ADGRB3: variants seen among roughly 807,000 people sequenced by gnomAD.
The protein encoded by ADGRB3 is adhesion G protein-coupled receptor B3.
In ADGRB3, 37 loss-of-function variants were observed where a neutral mutation model predicts 193.4. That is an observed-to-expected ratio of 0.19 (90% CI 0.15 to 0.25). The LOEUF is 0.25. ADGRB3 is among the 10% of genes least tolerant of loss of function. The pLI is 1.00. For missense variants in ADGRB3, 1,637 were observed against 1,852.9 expected (o/e 0.88, Z 2.14); for synonymous variants, 690 against 644.2 (o/e 1.07, Z -1.08).
intron 17 of ADGRB3, among the ~76,000 whole-genome samples, chr6:69,123,024 A>G (rs201764913): frequency 0.024 from 2,496 of 105,234 alleles, 88 homozygotes; most frequent in East Asian, 0.23. Context: ...GTGTGTGTGT[A>G]TGTGTGTTTG....
intron 3 of ADGRB3, among the ~76,000 whole-genome samples, chr6:68,870,797 G>A (rs756426779): frequency 1.3e-5 from 2 of 152,116 alleles, no homozygotes; most frequent in Non-Finnish European, 2.9e-5. Flanking sequence ...GGTTTCATGA[G>A]GCTAGACCAG....
intron 3 of ADGRB3, among the ~76,000 whole-genome samples, chr6:68,927,851 T>C (rs1345629940): frequency 2.6e-5 from 4 of 152,136 alleles, no homozygotes; most frequent in Non-Finnish European, 4.4e-5. Context: ...AAAATAATTT[T>C]TCAGATACAT....
intron 8 of ADGRB3, among the ~76,000 whole-genome samples, chr6:68,970,800 A>G (rs1304559049): frequency 6.6e-6 from 1 of 152,170 alleles, no homozygotes. Context: ...TTGTTCCCCT[A>G]ATTTAACCAG....
intron 23 of ADGRB3, among the ~76,000 whole-genome samples, chr6:69,331,203 T>A (rs997433054): frequency 6.6e-6 from 1 of 152,176 alleles, no homozygotes; most frequent in Non-Finnish European, 1.5e-5. Flanking sequence ...CATTCCCATA[T>A]GTTATAGATA....
intron 3 of ADGRB3, among the ~76,000 whole-genome samples, chr6:68,836,949 C>G (rs1269045166): frequency 6.6e-6 from 1 of 152,042 alleles, no homozygotes; most frequent in African/African-American, 2.4e-5. Flanking sequence ...AATCCATATG[C>G]CTTCAAAAAA....
intron 17 of ADGRB3, among the ~76,000 whole-genome samples, chr6:69,226,198 CA>C (rs1449876060): frequency 2.0e-5 from 3 of 152,096 alleles, no homozygotes; most frequent in African/African-American, 7.2e-5. Context: ...AGATAATTTC[CA>C]GTGAAGCTCT....
intron 17 of ADGRB3, among the ~76,000 whole-genome samples, chr6:69,184,537 A>G (rs1055481590): frequency 6.6e-6 from 1 of 152,132 alleles, no homozygotes; most frequent in Non-Finnish European, 1.5e-5. Flanking sequence ...AAAATTTATC[A>G]TCCTAAAACA....
At chr6:68,854,788 C>T (rs879290921) in intron 3 of ADGRB3, among the ~76,000 whole-genome samples, 1 of 152,148 alleles carries the variant, frequency 6.6e-6, no homozygotes, top group Non-Finnish European at 1.5e-5. Flanking sequence ...GTTTTCCTTG[C>T]CTTGCCTTTC....
At chr6:68,878,199 A>T (rs536254373) in intron 3 of ADGRB3, among the ~76,000 whole-genome samples, 1 of 152,044 alleles carries the variant, frequency 6.6e-6, no homozygotes, top group African/African-American at 2.4e-5. Context: ...TTTTATTGAA[A>T]AATGTTCCAA....
At chr6:69,286,353 T>C (rs151196524) in intron 20 of ADGRB3, among the ~76,000 whole-genome samples, 1 of 152,288 alleles carries the variant, frequency 6.6e-6, no homozygotes, top group East Asian at 1.9e-4. Context: ...AACTTTTCCA[T>C]CCTACTTTCT....
chr6:69,222,503 A>G (rs1253414404), intron 17 of ADGRB3, among the ~76,000 whole-genome samples: 2 of 152,198 alleles, frequency 1.3e-5, no homozygotes, highest in African/African-American at 4.8e-5. Context: ...TTATTATCAC[A>G]TCTGGAATTT....
chr6:68,818,949 C>T lies in ADGRB3; in HGVS notation c.758-111610C>T, dbSNP rs535498043. 1.2e-4 allele frequency among the ~76,000 whole-genome samples: 16 copies of T among 135,208 alleles called. No individual in the cohort carries two copies. The East Asian group carries it at 2.9e-3, about 24-fold the overall frequency. The allele number at this position is 135,208 out of a possible 152,430, so 88.7% of individuals were successfully genotyped here. A position where few individuals can be genotyped will look rare whatever the true frequency, so the allele number is the denominator to read the frequency against. ...GATAAGTACATGTTTCACTGTGTAA[C>T]ATTTGAACTGAAAGGAACAATGCAC... On this transcript the variant is annotated intron_variant, in intron 3 of 31. Transcript: ENST00000370598.
rs139705353 is a variant in ADGRB3 at position 69,052,542 on chromosome 6, A to G, written c.2333+3196A>G. Among the ~76,000 whole-genome samples the G allele has an allele frequency of 3.9e-4, 60 of 152,336 alleles. 2 individuals are homozygous for G. The South Asian group carries it at 6.2e-3, about 16-fold the overall frequency. Reference sequence around the variant, plus strand: ...GTTTCCAGAAATGGTATATTTTGGTATAATAATTTTCATAATTTTTCTCAT... The same window carrying G: ...GTTTCCAGAAATGGTATATTTTGGTGTAATAATTTTCATAATTTTTCTCAT... On this transcript the variant is annotated intron_variant, in intron 15 of 31. Coordinates refer to ENST00000370598, the MANE Select transcript of ADGRB3 (RefSeq NM_001704.3).
intron 3 of ADGRB3, among the ~76,000 whole-genome samples, chr6:68,713,789 T>C (rs1170802762): frequency 6.6e-6 from 1 of 151,678 alleles, no homozygotes; most frequent in African/African-American, 2.4e-5. Context: ...ACAATTTTAG[T>C]TTTACATCTA....
chr6:69,328,540 GTTAAGA>G (rs1420604319), intron 22 of ADGRB3, among the ~76,000 whole-genome samples: 1 of 152,154 alleles, frequency 6.6e-6, no homozygotes, highest in African/African-American at 2.4e-5. Flanking sequence ...TGAGGAGGCA[GTTAAGA>G]AGTGGGGAAA....
chr6:69,184,991 A>G (rs1389430342), intron 17 of ADGRB3, among the ~76,000 whole-genome samples: 2 of 152,142 alleles, frequency 1.3e-5, no homozygotes, highest in East Asian at 1.9e-4. Context: ...CCATCCGTGC[A>G]TTAGACACAC....
intron 17 of ADGRB3, among the ~76,000 whole-genome samples, chr6:69,224,840 A>G (rs1419325347): frequency 2.0e-5 from 3 of 152,202 alleles, no homozygotes; most frequent in Non-Finnish European, 4.4e-5. Context: ...ACTTAAAATT[A>G]CATAAATTAA....
At chr6:69,171,493 G>A (rs538595886) in intron 17 of ADGRB3, among the ~76,000 whole-genome samples, 4 of 152,182 alleles carry the variant, frequency 2.6e-5, no homozygotes, top group African/African-American at 4.8e-5. Flanking sequence ...TTTGCTATGG[G>A]GTAAGGTAAC....
chr6:69,258,207 T>C (rs1285443948), intron 20 of ADGRB3, among the ~76,000 whole-genome samples: 1 of 151,986 alleles, frequency 6.6e-6, no homozygotes, highest in African/African-American at 2.4e-5. Context: ...AAGAAAAAAA[T>C]TCCTAGAGAT....
Sources: allele counts gnomAD v4.1 joint callset (sites outside exome capture counted in the v4.1 genomes callset), GRCh38; gene constraint gnomAD v4.1.1; transcripts MANE v1.5; gene names NCBI Gene and HGNC (gene_info 2026-07-23, HGNC 2026-07-21).